Variants in TTLL5 observed in about 807,000 individuals in gnomAD.
The protein encoded by TTLL5 is tubulin tyrosine ligase like 5.
Under a neutral mutation model 168.4 loss-of-function variants are expected in TTLL5, and 132 were observed. That is an observed-to-expected ratio of 0.78 (90% confidence interval 0.68 to 0.91). The LOEUF (loss-of-function observed/expected upper bound fraction) is 0.91. Among genes scored for constraint, TTLL5 ranks in the 40% least tolerant of loss-of-function variants. The pLI is 0.00. For synonymous variants in TTLL5, 546 were observed against 558.6 expected (o/e 0.98, Z 0.32); for missense variants, 1,545 against 1,581.5 (o/e 0.98, Z 0.39).
intron 12 of TTLL5, among the ~76,000 whole-genome samples, chr14:75,729,455 A>T (rs912487371): frequency 1.3e-5 from 2 of 152,200 alleles, no homozygotes; most frequent in Non-Finnish European, 2.9e-5. Flanking sequence ...TAGTAAGTTT[A>T]AAAGGTTCTT....
intron 28 of TTLL5, among the ~76,000 whole-genome samples, chr14:75,829,245 A>G (rs1394768428): frequency 6.6e-6 from 1 of 152,208 alleles, no homozygotes; most frequent in African/African-American, 2.4e-5. Flanking sequence ...CACTTAAGAG[A>G]TAATTGCACA....
At chr14:75,873,786 CA>C (rs2031240184) in intron 29 of TTLL5, among the ~76,000 whole-genome samples, 1 of 151,932 alleles carries the variant, frequency 6.6e-6, no homozygotes, top group African/African-American at 2.4e-5. Context: ...CACGGATGTA[CA>C]AATATCTCTT....
chr14:75,748,804 G>A (rs1373133485), intron 17 of TTLL5, among the ~76,000 whole-genome samples: 1 of 152,126 alleles, frequency 6.6e-6, no homozygotes, highest in African/African-American at 2.4e-5. Flanking sequence ...AATCTAATGG[G>A]AGTAAAATAT....
At chr14:75,775,681 A>C in intron 22 of TTLL5, 51 bp downstream of exon 22, 9 of 1,601,966 alleles carry the variant, frequency 5.6e-6, no homozygotes, top group Non-Finnish European at 7.7e-6. Flanking sequence ...ACACTGTCAG[A>C]AACAGACTAG....
At chr14:75,923,158 G>C (rs1415313719) in intron 31 of TTLL5, among the ~76,000 whole-genome samples, 2 of 152,154 alleles carry the variant, frequency 1.3e-5, no homozygotes, top group African/African-American at 4.8e-5. Flanking sequence ...CAAAAAACCA[G>C]CTCCTGGATT....
At chr14:75,731,973 G>A (rs1888575271) in intron 12 of TTLL5, among the ~76,000 whole-genome samples, 1 of 149,276 alleles carries the variant, frequency 6.7e-6, no homozygotes, top group Admixed American at 6.7e-5. Flanking sequence ...GGTGTTGGTT[G>A]TGCTTGTTTC....
rs1308640043 is a variant in TTLL5 at position 75,782,573 on chromosome 14, C to A, written c.2602C>A (p.Arg868=). ...AGAAATTCATTCTGATAAATTATCTCGTGAGTGATTTCAAACCTACCTAGA... is the reference window on the plus strand; with the variant it reads ...AGAAATTCATTCTGATAAATTATCTAGTGAGTGATTTCAAACCTACCTAGA... The part of the protein sequence containing the change: ...TTEIHSDKLS[R]FTTSAEKEAK... Residue 868 remains arginine (R), a splice_region_variant and synonymous_variant, in exon 25 of 32, where the codon CGA becomes AGA. Transcript: ENST00000298832. 2 of 1,612,566 alleles carry A rather than the reference C, an allele frequency of 1.2e-6. No homozygotes were observed. Among genetic ancestry groups the A allele is most frequent in the Non-Finnish European group, 1.7e-6 (2 of 1,179,220 alleles).
At chr14:75,798,182 AT>A (rs974110520) in intron 27 of TTLL5, among the ~76,000 whole-genome samples, 3 of 152,028 alleles carry the variant, frequency 2.0e-5, no homozygotes, top group African/African-American at 7.2e-5. Flanking sequence ...AGGGTTGTAT[AT>A]TTCCAGGAAT....
At chr14:75,770,944 C>T (rs889905831) in intron 20 of TTLL5, among the ~76,000 whole-genome samples, 2 of 152,188 alleles carry the variant, frequency 1.3e-5, no homozygotes, top group Non-Finnish European at 2.9e-5. Flanking sequence ...TTATCTATTT[C>T]CTGCTTTGGA....
At chr14:75,842,804 G>A (rs1235410998) in intron 28 of TTLL5, among the ~76,000 whole-genome samples, 5 of 152,152 alleles carry the variant, frequency 3.3e-5, no homozygotes, top group Non-Finnish European at 5.9e-5. Context: ...CACTCTTCCT[G>A]TAAACCCAGC....
intron 28 of TTLL5, among the ~76,000 whole-genome samples, chr14:75,836,465 A>G (rs1243109317): frequency 6.6e-6 from 1 of 152,146 alleles, no homozygotes; most frequent in African/African-American, 2.4e-5. Flanking sequence ...AAATAGAATG[A>G]GTAAGACCTA....
intron 28 of TTLL5, among the ~76,000 whole-genome samples, chr14:75,844,107 T>C (rs1283252519): frequency 6.6e-6 from 1 of 151,836 alleles, no homozygotes; most frequent in Admixed American, 6.6e-5. Context: ...GGTCTCGAAC[T>C]CCTGACCTCA....
chr14:75,731,602 A>G (rs1187869755), intron 12 of TTLL5, among the ~76,000 whole-genome samples: 2 of 152,166 alleles, frequency 1.3e-5, no homozygotes, highest in African/African-American at 2.4e-5. Flanking sequence ...GAGAATCAAT[A>G]CAGAATCCAT....
At chr14:75,815,496 T>C (rs1031928053) in intron 27 of TTLL5, among the ~76,000 whole-genome samples, 4 of 152,230 alleles carry the variant, frequency 2.6e-5, no homozygotes, top group Non-Finnish European at 5.9e-5. Flanking sequence ...CCAAAAGTAA[T>C]TTCATGATCA....
At chr14:75,951,592 T>G (rs1271832353) in intron 31 of TTLL5, among the ~76,000 whole-genome samples, 1 of 151,902 alleles carries the variant, frequency 6.6e-6, no homozygotes, top group Non-Finnish European at 1.5e-5. Flanking sequence ...AAACTCTGTC[T>G]CTACAAAAAA....
intron 28 of TTLL5, among the ~76,000 whole-genome samples, chr14:75,826,786 G>T (rs1425254504): frequency 6.6e-6 from 1 of 152,186 alleles, no homozygotes; most frequent in Non-Finnish European, 1.5e-5. Context: ...AGCCTGGGAA[G>T]ATCACAGGCG....
chr14:75,717,906 CCAGTT>C lies in TTLL5; in HGVS notation c.789_793del (p.Gln263HisfsTer19), dbSNP rs757823284. 28 of 1,613,726 alleles carry C rather than the reference CCAGTT, an allele frequency of 1.7e-5. No individual in the cohort carries two copies. Among genetic ancestry groups the C allele is most frequent in the Non-Finnish European group, 2.3e-5 (27 of 1,179,920 alleles). On this transcript the variant is annotated frameshift_variant, in exon 10 of 32. Coordinates refer to ENST00000298832, the MANE Select transcript of TTLL5 (RefSeq NM_015072.5). LOFTEE classifies it high-confidence loss of function. The stretch of plus-strand genomic sequence containing the variant: ...ATCAAGGAGCCAAGAACATTCGGAA[CCAGTT>C]CATGCATCTGACAAACTACAGTGTC...
Position 75,683,619 on chromosome 14 carries a change from A to G in TTLL5, c.334A>G (p.Thr112Ala). ...CCACCTGAAGCCCTTCTTACTGCGC[A>G]CCCTCTCTGAAGCACAAAAAGTTAA... ...GSHLKPFLLR[T>A]LSEAQKVNHF... Residue 112 changes from threonine (T) to alanine (A), a missense_variant, in exon 5 of 32, where the codon ACC becomes GCC. By Grantham distance (58) the Thr-to-Ala change is moderately conservative. Transcript: ENST00000298832. 1 of 1,613,730 alleles carries G rather than the reference A, an allele frequency of 6.2e-7. No individual in the cohort carries two copies. Among genetic ancestry groups the G allele is most frequent in the Non-Finnish European group, 8.5e-7 (1 of 1,179,900 alleles).
At chr14:75,719,635 A>G in intron 10 of TTLL5, 100 bp from the exon 11 acceptor site, 1 of 1,082,934 alleles carries the variant, frequency 9.2e-7, no homozygotes, top group Non-Finnish European at 1.3e-6. Context: ...GAATTAAAAA[A>G]AAAACTTTTT....
Sources: allele counts gnomAD v4.1 joint callset (sites outside exome capture counted in the v4.1 genomes callset), GRCh38; gene constraint gnomAD v4.1.1; transcripts MANE v1.5; gene names NCBI Gene and HGNC (gene_info 2026-07-23, HGNC 2026-07-21).